Variants in ABCB1 observed in about 807,000 individuals in gnomAD.
ABCB1 encodes the protein ATP-dependent translocase ABCB1.
Under a neutral mutation model 142.0 loss-of-function variants are expected in ABCB1, and 69 were observed. The ratio of observed to expected loss-of-function variants is 0.49; its 90% CI spans 0.40 to 0.59. The LOEUF is 0.59. Ranked by LOEUF, ABCB1 falls within the 20% of genes least tolerant of loss-of-function variation. The pLI, the probability that ABCB1 is intolerant of heterozygous loss-of-function variation, is 0.00. For missense variants in ABCB1, 1,326 were observed against 1,554.7 expected (o/e 0.85, Z 2.47); for synonymous variants, 532 against 539.2 (o/e 0.99, Z 0.18).
intron 1 of ABCB1, among the ~76,000 whole-genome samples, chr7:87,612,496 CA>C (rs1159074510): frequency 6.6e-6 from 1 of 152,152 alleles, no homozygotes; most frequent in Non-Finnish European, 1.5e-5. Flanking sequence ...CCAATTTTCT[CA>C]GCACCGTTTA....
intron 1 of ABCB1, chr7:87,650,793 TA>T: frequency 7.0e-7 from 1 of 1,419,106 alleles, no homozygotes; most frequent in Non-Finnish European, 1.0e-6. Flanking sequence ...CAACTCTGCC[TA>T]AAAGCAACAA....
At chr7:87,667,596 AT>A (rs1284877113) in intron 1 of ABCB1, among the ~76,000 whole-genome samples, 1 of 152,116 alleles carries the variant, frequency 6.6e-6, no homozygotes, top group African/African-American at 2.4e-5. Context: ...GCTTTTGCCC[AT>A]TCAGCATAAA....
chr7:87,648,663 G>A (rs906241248), intron 1 of ABCB1, among the ~76,000 whole-genome samples: 5 of 152,024 alleles, frequency 3.3e-5, no homozygotes, highest in South Asian at 2.1e-4. Flanking sequence ...TGTTTCTAAT[G>A]TTTTAAAGTG....
Position 87,561,263 on chromosome 7 carries a change from C to G in ABCB1, c.827G>C (p.Arg276Thr). The G allele has an allele frequency of 6.2e-7, 1 of 1,613,548 alleles. No homozygotes were observed. Among genetic ancestry groups the G allele is most frequent in the Non-Finnish European group, 8.5e-7 (1 of 1,179,776 alleles). ...AFGGQKKELE[R>T]YNKNLEEAKR... is the part of the protein sequence containing the mutation. ...ATCCATTTAAAAAAGAAACTCAAACCTTTCAAGTTCTTTCTTTTGTCCTCC... is the reference window on the plus strand; with the variant it reads ...ATCCATTTAAAAAAGAAACTCAAACGTTTCAAGTTCTTTCTTTTGTCCTCC... Residue 276 changes from arginine (R) to threonine (T), a missense_variant and splice_region_variant, in exon 8 of 28, where the codon AGG becomes ACG. Physicochemically the swap from Arg to Thr is moderately conservative, Grantham distance 71. Transcript: ENST00000622132.
At position 87,518,664 on chromosome 7, in the gene ABCB1, C is replaced by G. The variant is rs28401785; in HGVS notation, c.2927+662G>C. On this transcript the variant is annotated intron_variant, in intron 23 of 27. Transcript: ENST00000622132. ...ATCGCTACTAATTATGTTATGCTAT[C>G]AAGAGGCAGAATCTTACCCACCTCC... Among the ~76,000 whole-genome samples the G allele has an allele frequency of 9.2e-5, 14 of 152,282 alleles. No homozygotes were observed. The East Asian group carries it at 2.7e-3, about 29-fold the overall frequency.
At chr7:87,654,341 G>A (rs1332032439) in intron 1 of ABCB1, among the ~76,000 whole-genome samples, 1 of 151,776 alleles carries the variant, frequency 6.6e-6, no homozygotes, top group Non-Finnish European at 1.5e-5. Flanking sequence ...ATACTGCAAA[G>A]CTATATTAGT....
In ABCB1 at chr7:87,626,498, C is replaced by CAT. The variant is rs1166249125; in HGVS notation, c.-330-25422_-330-25421dup. Among the ~76,000 whole-genome samples the CAT allele has an allele frequency of 1.3e-3, 10 of 7,952 alleles. 1 individual carries two copies. The highest frequency in any genetic ancestry group is 1.8e-3 in the African/African-American group (1 of 556). The allele number at this position is 7,952 out of a possible 152,430, so 5.2% of individuals were successfully genotyped here. On this transcript the variant is annotated intron_variant, in intron 1 of 28. Coordinates refer to the ABCB1 transcript ENST00000265724. ...ATATATATGTGTCATATATATGTGT[C>CAT]ATATATGTGTCATATATATGTGTCA... is the stretch of plus-strand genomic sequence containing the variant.
rs189312011 is a variant in ABCB1 at position 87,523,563 on chromosome 7, A to T, written c.2686-2687T>A. On this transcript the variant is annotated intron_variant, in intron 21 of 27. Coordinates refer to ENST00000622132, the MANE Select transcript of ABCB1 (RefSeq NM_001348946.2). ...CTCGAACTGGCGAGACAGAGATTGC[A>T]GTGAGTCAAGATGGCGTCACTGCAC... 2.5e-4 allele frequency among the ~76,000 whole-genome samples: 38 copies of T among 152,324 alleles called. No homozygotes were observed. In the East Asian group the frequency reaches 6.4e-3, roughly 26 times the overall value.
intron 7 of ABCB1, chr7:87,565,576 C>A (rs1202836654): frequency 2.7e-6 from 1 of 374,552 alleles, no homozygotes; most frequent in South Asian, 1.9e-5. Context: ...TGTTTGAATG[C>A]TGACAAAACT....
In ABCB1 at chr7:87,504,229, C is replaced by T; in HGVS notation, c.*14G>A. On this transcript the variant is annotated 3_prime_UTR_variant, in exon 28 of 28. Transcript: ENST00000622132. ...AAATATTAAAAAGTATTTAACATCTCATACAGTCAGAGTTCACTGGCGCTT... is the reference window on the plus strand; with the variant it reads ...AAATATTAAAAAGTATTTAACATCTTATACAGTCAGAGTTCACTGGCGCTT... 6.2e-7 allele frequency: 1 copy of T among 1,614,010 alleles called. No homozygotes were observed.
chr7:87,707,965 A>G (rs1169176507), intron 1 of ABCB1, among the ~76,000 whole-genome samples: 1 of 152,114 alleles, frequency 6.6e-6, no homozygotes, highest in East Asian at 1.9e-4. Context: ...AAATTGAAAA[A>G]TATTTGGAAA....
chr7:87,684,082 AT>A (rs1301072507), intron 1 of ABCB1, among the ~76,000 whole-genome samples: 1 of 152,214 alleles, frequency 6.6e-6, no homozygotes, highest in East Asian at 1.9e-4. Flanking sequence ...ATTTGACAAA[AT>A]TCAACTTTAA....
At chr7:87,561,415 G>C (rs1462809321) in intron 7 of ABCB1, 28 bp from the exon 8 acceptor site, 1 of 1,585,128 alleles carries the variant, frequency 6.3e-7, no homozygotes, top group Admixed American at 1.7e-5. Flanking sequence ...TTTGGATCAT[G>C]AAAAAAACAC....
chr7:87,686,587 C>T (rs1173134992), intron 1 of ABCB1, among the ~76,000 whole-genome samples: 1 of 151,966 alleles, frequency 6.6e-6, no homozygotes, highest in East Asian at 1.9e-4. Flanking sequence ...AGCTTGGTGA[C>T]ATGAGGATGG....
chr7:87,614,421 A>G (rs1267248949), intron 1 of ABCB1, among the ~76,000 whole-genome samples: 1 of 152,080 alleles, frequency 6.6e-6, no homozygotes, highest in African/African-American at 2.4e-5. Flanking sequence ...GGAAAGAAAG[A>G]AAGAAGAAAG....
chr7:87,551,749 G>C (rs1392091109), intron 9 of ABCB1, among the ~76,000 whole-genome samples: 1 of 152,132 alleles, frequency 6.6e-6, no homozygotes, highest in African/African-American at 2.4e-5. Context: ...TTAGAATGCA[G>C]AATTAGTCTT....
chr7:87,616,521 T>C (rs1050774863), intron 1 of ABCB1, among the ~76,000 whole-genome samples: 1 of 152,228 alleles, frequency 6.6e-6, no homozygotes, highest in African/African-American at 2.4e-5. Flanking sequence ...TGGAATATCT[T>C]AAGGAAGGAC....
chr7:87,682,760 C>A (rs868574785), intron 1 of ABCB1, among the ~76,000 whole-genome samples: 1 of 152,122 alleles, frequency 6.6e-6, no homozygotes, highest in Admixed American at 6.6e-5. Context: ...TTCTTAAATA[C>A]CCTAGGATTT....
At chr7:87,585,115 T>C (rs1052367573) in intron 4 of ABCB1, among the ~76,000 whole-genome samples, 1 of 152,172 alleles carries the variant, frequency 6.6e-6, no homozygotes, top group Admixed American at 6.5e-5. Context: ...AACTGCATCC[T>C]CCCAGTTTCT....
Sources: allele counts gnomAD v4.1 joint callset (sites outside exome capture counted in the v4.1 genomes callset), GRCh38; gene constraint gnomAD v4.1.1; transcripts MANE v1.5; gene names NCBI Gene and HGNC (gene_info 2026-07-23, HGNC 2026-07-21).